RAD51B: variants seen among roughly 807,000 people sequenced by gnomAD.
The protein encoded by RAD51B is DNA repair protein RAD51 homolog 2.
In RAD51B, 38 loss-of-function variants were observed where a neutral mutation model predicts 42.2. The ratio of observed to expected loss-of-function variants is 0.90; its 90% CI spans 0.70 to 1.18. The LOEUF is 1.18. RAD51B is among the 50% of genes most tolerant of loss of function. The probability of loss-of-function intolerance (pLI) is 0.00; values close to 1 mark genes in which losing one functional copy is unlikely to be tolerated. For missense variants in RAD51B, 373 were observed against 400.7 expected (o/e 0.93, Z 0.59); for synonymous variants, 154 against 145.2 (o/e 1.06, Z -0.43).
chr14:67,846,508 T>C (rs1400691161), intron 4 of RAD51B, among the ~76,000 whole-genome samples: 1 of 152,194 alleles, frequency 6.6e-6, no homozygotes, highest in South Asian at 2.1e-4. Context: ...GAGTGCATGT[T>C]CCTGCTGGCA....
At chr14:68,660,566 G>T (rs1297366054) in intron 11 of RAD51B, among the ~76,000 whole-genome samples, 1 of 152,192 alleles carries the variant, frequency 6.6e-6, no homozygotes, top group Non-Finnish European at 1.5e-5. Flanking sequence ...CTGGTGCAGA[G>T]CCTGGGCAGA....
intron 11 of RAD51B, among the ~76,000 whole-genome samples, chr14:68,675,452 T>C (rs984024140): frequency 3.9e-5 from 6 of 152,128 alleles, no homozygotes; most frequent in African/African-American, 1.4e-4. Flanking sequence ...ATATGCCTGA[T>C]TCCTTTTTGG....
chr14:68,505,546 C>CTTTTTTT (rs34764928), intron 10 of RAD51B, among the ~76,000 whole-genome samples: 1 of 112,092 alleles, frequency 8.9e-6, no homozygotes, highest in African/African-American at 3.5e-5. Flanking sequence ...ATTAGCCAAT[C>CTTTTTTT]TTTTTTTTTT....
chr14:68,678,984 C>T (rs1051227273), intron 11 of RAD51B, among the ~76,000 whole-genome samples: 1 of 152,076 alleles, frequency 6.6e-6, no homozygotes, highest in Non-Finnish European at 1.5e-5. Flanking sequence ...TCCCTTCTCC[C>T]TCCTCCCTGC....
chr14:68,010,369 G>T (rs1212584976), intron 7 of RAD51B, among the ~76,000 whole-genome samples: 2 of 151,818 alleles, frequency 1.3e-5, no homozygotes, highest in Non-Finnish European at 3.0e-5. Flanking sequence ...ACGTGATTTA[G>T]TCCACAGATT....
chr14:68,636,497 C>T (rs1045971454), intron 10 of RAD51B, among the ~76,000 whole-genome samples: 3 of 147,500 alleles, frequency 2.0e-5, no homozygotes, highest in South Asian at 2.1e-4. Flanking sequence ...GCAGAAGAAT[C>T]GCTTGAACCC....
At chr14:68,561,963 C>T (rs1451591430) in intron 10 of RAD51B, 2 of 985,280 alleles carry the variant, frequency 2.0e-6, no homozygotes, top group Admixed American at 6.1e-5. Flanking sequence ...GTCCTTGTGG[C>T]AGCAATGTAC....
At chr14:68,462,325 C>G (rs980098100) in intron 9 of RAD51B, among the ~76,000 whole-genome samples, 2 of 152,188 alleles carry the variant, frequency 1.3e-5, no homozygotes, top group Non-Finnish European at 2.9e-5. Flanking sequence ...AATGTCAGCT[C>G]TATGAGATCA....
At chr14:68,537,092 C>A (rs1477019904) in intron 10 of RAD51B, among the ~76,000 whole-genome samples, 1,277 of 104,532 alleles carry the variant, frequency 0.012, no homozygotes, top group South Asian at 0.014. Flanking sequence ...GGTCCTGTCT[C>A]AAAAAAAAAA....
chr14:68,143,595 C>G (rs1208985863), intron 7 of RAD51B, among the ~76,000 whole-genome samples: 1 of 152,204 alleles, frequency 6.6e-6, no homozygotes, highest in Non-Finnish European at 1.5e-5. Context: ...GAGCTCCCCC[C>G]ATACCACACA....
At chr14:67,996,644 A>T (rs1034514525) in intron 7 of RAD51B, among the ~76,000 whole-genome samples, 6 of 152,124 alleles carry the variant, frequency 3.9e-5, no homozygotes, top group African/African-American at 7.2e-5. Flanking sequence ...AGGAAGAGCC[A>T]TGGGAAATGA....
intron 10 of RAD51B, among the ~76,000 whole-genome samples, chr14:68,575,993 G>A (rs1403704690): frequency 1.3e-5 from 2 of 152,174 alleles, no homozygotes; most frequent in Non-Finnish European, 2.9e-5. Flanking sequence ...GCAATAGTGG[G>A]AAGATGATAC....
intron 7 of RAD51B, among the ~76,000 whole-genome samples, chr14:68,154,945 T>C (rs1394425919): frequency 6.6e-6 from 1 of 152,166 alleles, no homozygotes; most frequent in Non-Finnish European, 1.5e-5. Context: ...CATTTCATTA[T>C]AGAGAGTTAG....
chr14:68,322,004 G>A (rs1224563074), intron 8 of RAD51B, among the ~76,000 whole-genome samples: 1 of 152,060 alleles, frequency 6.6e-6, no homozygotes, highest in African/African-American at 2.4e-5. Context: ...AAACTCCTGA[G>A]CTCAGGGGAT....
chr14:68,509,060 G>A (rs1300720933), intron 10 of RAD51B, among the ~76,000 whole-genome samples: 1 of 152,258 alleles, frequency 6.6e-6, no homozygotes, highest in African/African-American at 2.4e-5. Context: ...GAAAATAGGG[G>A]GCCCTGGGTC....
downstream of RAD51B, chr14:68,596,004 C>A: frequency 3.1e-6 from 3 of 971,942 alleles, no homozygotes; most frequent in African/African-American, 1.8e-5. Flanking sequence ...TTCCCAAAAT[C>A]AGGGGAAAAA....
chr14:67,975,619 AT>A (rs767806830), intron 7 of RAD51B, among the ~76,000 whole-genome samples: 1 of 152,232 alleles, frequency 6.6e-6, no homozygotes, highest in Non-Finnish European at 1.5e-5. Flanking sequence ...GTGCTGGAAG[AT>A]TTATGGACAG....
Position 68,307,725 on chromosome 14 carries a change from C to T in RAD51B, c.853+15745C>T, listed in dbSNP as rs554175382. 2.0e-5 allele frequency among the ~76,000 whole-genome samples: 3 copies of T among 152,314 alleles called. No individual in the cohort carries two copies. In the South Asian group the frequency reaches 6.2e-4, roughly 32 times the overall value. ...ATTTCAAGCTTCACCAGCCAAACTC[C>T]AGTGGCTTTGAAAAGGGAGATGAGG... is the stretch of plus-strand genomic sequence containing the variant. On this transcript the variant is annotated intron_variant, in intron 8 of 10. Coordinates refer to ENST00000471583, the MANE Select transcript of RAD51B (RefSeq NM_133510.4).
At chr14:67,857,605 A>T (rs546859466) in intron 4 of RAD51B, among the ~76,000 whole-genome samples, 1 of 152,268 alleles carries the variant, frequency 6.6e-6, no homozygotes, top group East Asian at 1.9e-4. Context: ...ATCACAAAGC[A>T]TTGAACAGTT....
Sources: gnomAD v4.1 joint callset for allele counts (sites outside exome capture counted in the v4.1 genomes callset) on GRCh38, gnomAD v4.1.1 for gene constraint, MANE v1.5 for transcripts, NCBI Gene and HGNC (gene_info 2026-07-23, HGNC 2026-07-21) for gene names.